Variants in CEP192 observed in about 807,000 individuals in gnomAD.
CEP192 encodes centrosomal protein of 192 kDa.
In CEP192, 151 loss-of-function variants were observed where a neutral mutation model predicts 271.8. That is an observed-to-expected ratio of 0.56 (90% confidence interval 0.49 to 0.64). CEP192 has a LOEUF of 0.64. Among genes scored for constraint, CEP192 ranks in the 30% least tolerant of loss-of-function variants. CEP192 has a pLI of 0.00. For synonymous variants in CEP192, 995 were observed against 1,076.5 expected (o/e 0.92, Z 1.48); for missense variants, 2,910 against 3,020.5 (o/e 0.96, Z 0.86).
In CEP192 at chr18:13,042,216, A is replaced by G; in HGVS notation, c.1949A>G (p.Glu650Gly). ...ATATTTCCTGCAGGAGATTTAAATG[A>G]ACAGTCCCAGGCACAGCTAAGTGAA... ...NHDLYSGDLN[E>G]QSQAQLSEGS... Residue 650 changes from glutamate (E) to glycine (G), a missense_variant, in exon 15 of 45, where the codon GAA becomes GGA. Glu to Gly is a moderately conservative substitution (Grantham distance 98). Coordinates refer to ENST00000506447, the MANE Select transcript of CEP192 (RefSeq NM_032142.4). 6.2e-7 allele frequency: 1 copy of G among 1,612,304 alleles called. No individual in the cohort carries two copies. Among genetic ancestry groups the G allele is most frequent in the Non-Finnish European group, 8.5e-7 (1 of 1,178,602 alleles).
intron 19 of CEP192, 91 bp downstream of exon 19, chr18:13,056,789 C>A: frequency 9.4e-7 from 1 of 1,059,498 alleles, no homozygotes. Flanking sequence ...TACTGGTTAG[C>A]ATTAATTCCT....
Position 13,069,804 on chromosome 18 carries a change from C to A in CEP192, c.5122C>A (p.His1708Asn). Residue 1708 changes from histidine (H) to asparagine (N), a missense_variant, in exon 27 of 45, where the codon CAT becomes AAT. His to Asn is a moderately conservative substitution (Grantham distance 68, BLOSUM62 1). Coordinates refer to ENST00000506447, the MANE Select transcript of CEP192 (RefSeq NM_032142.4). ...TCTACTCCTTAAACCTGGAGAAGAA[C>A]ATGAGGTTATTGTTTCATTTACTCC... Reference protein sequence around the residue: ...KNLLLKPGEEHEVIVSFTPKD... With the variant: ...KNLLLKPGEENEVIVSFTPKD... 6.2e-7 allele frequency: 1 copy of A among 1,606,240 alleles called. No homozygotes were observed. The highest frequency in any genetic ancestry group is 8.5e-7 in the Non-Finnish European group (1 of 1,173,138).
chr18:13,063,923 C>A (rs899094786), intron 21 of CEP192, among the ~76,000 whole-genome samples: 2 of 151,312 alleles, frequency 1.3e-5, no homozygotes, highest in African/African-American at 4.9e-5. Flanking sequence ...CGGGTTCAAG[C>A]TGTTCTCCTG....
chr18:13,064,560 C>A (rs982921969), intron 21 of CEP192, among the ~76,000 whole-genome samples: 2 of 147,296 alleles, frequency 1.4e-5, no homozygotes, highest in Admixed American at 1.4e-4. Flanking sequence ...TGCAGTGAGC[C>A]GAGATTGTGC....
At chr18:13,103,702 T>G (rs544699396) in intron 39 of CEP192, 114 bp downstream of exon 39, 1 of 901,814 alleles carries the variant, frequency 1.1e-6, no homozygotes, top group South Asian at 1.4e-5. Context: ...CTTGTTTGTT[T>G]TCTGAGACAA....
intron 42 of CEP192, 29 bp from the exon 43 acceptor site, chr18:13,116,348 C>G (rs753116526): frequency 3.7e-6 from 6 of 1,601,334 alleles, no homozygotes; most frequent in South Asian, 3.4e-5. Context: ...ATTTCAGATT[C>G]TTAACTTTTA....
intron 30 of CEP192, among the ~76,000 whole-genome samples, chr18:13,084,838 G>C (rs1006143821): frequency 6.6e-6 from 1 of 151,030 alleles, no homozygotes; most frequent in African/African-American, 2.4e-5. Context: ...TTTTGAGACA[G>C]AGTCTTCCTC....
At chr18:13,011,775 G>T (rs2034374889) in intron 4 of CEP192, among the ~76,000 whole-genome samples, 1 of 152,162 alleles carries the variant, frequency 6.6e-6, no homozygotes, top group Non-Finnish European at 1.5e-5. Flanking sequence ...CCATCCACCT[G>T]CCTCGGCCTC....
At chr18:13,052,763 T>C (rs1361350700) in intron 17 of CEP192, among the ~76,000 whole-genome samples, 156 bp from the exon 18 acceptor site, 1 of 152,224 alleles carries the variant, frequency 6.6e-6, no homozygotes, top group African/African-American at 2.4e-5. Context: ...CTTCATTCAA[T>C]GGGAATATTC....
intron 40 of CEP192, among the ~76,000 whole-genome samples, chr18:13,113,368 T>C (rs565231715): frequency 2.0e-5 from 3 of 152,346 alleles, no homozygotes; most frequent in South Asian, 2.1e-4. Context: ...TTAAGAAATA[T>C]GTTATATAAA....
chr18:13,103,204 C>G (rs566474104), intron 38 of CEP192, among the ~76,000 whole-genome samples: 2 of 152,288 alleles, frequency 1.3e-5, no homozygotes, highest in East Asian at 3.9e-4. Context: ...CTTCCTCGTC[C>G]CCTTCAATGC....
intron 9 of CEP192, among the ~76,000 whole-genome samples, chr18:13,022,567 G>A (rs1283299602): frequency 1.3e-5 from 2 of 151,870 alleles, no homozygotes; most frequent in East Asian, 3.9e-4. Flanking sequence ...TTTTAGTAGA[G>A]ATGAGGTTTC....
chr18:13,030,018 A>G lies in CEP192; in HGVS notation c.1390+16A>G, dbSNP rs1160038292. 6.6e-7 allele frequency: 1 copy of G among 1,503,948 alleles called. No individual in the cohort carries two copies. Among genetic ancestry groups the G allele is most frequent in the Non-Finnish European group, 9.0e-7 (1 of 1,112,610 alleles). 93.2% of individuals were successfully genotyped at this position (1,503,948 alleles called of 1,614,324 possible). A position where few individuals can be genotyped will look rare whatever the true frequency, so the allele number is the denominator to read the frequency against. ...AATAAAGACAGTAAGTGGACTTTTT[A>G]AAAAATAGAGTGAAAGAAATAGATG... On this transcript the variant is annotated intron_variant, in intron 10 of 44. Transcript: ENST00000506447.
At chr18:13,051,427 A>G (rs1473269542) in intron 17 of CEP192, among the ~76,000 whole-genome samples, 2 of 152,162 alleles carry the variant, frequency 1.3e-5, no homozygotes, top group Non-Finnish European at 2.9e-5. Flanking sequence ...ATGTAGGTTC[A>G]TGTCATGCGG....
At chr18:13,044,040 A>G (rs182958441) in intron 15 of CEP192, among the ~76,000 whole-genome samples, 12 of 152,264 alleles carry the variant, frequency 7.9e-5, no homozygotes, top group African/African-American at 2.9e-4. Flanking sequence ...TTGTAAATGT[A>G]CAATTAAATT....
intron 39 of CEP192, chr18:13,104,044 A>G (rs571283651): frequency 5.7e-6 from 2 of 350,690 alleles, no homozygotes; most frequent in South Asian, 4.2e-5. Context: ...TTAGATGAGG[A>G]TGATATATGC....
intron 10 of CEP192, 59 bp from the exon 11 acceptor site, chr18:13,030,406 G>T: frequency 4.3e-6 from 6 of 1,401,358 alleles, no homozygotes; most frequent in Non-Finnish European, 5.7e-6. Flanking sequence ...AATTGAGAAT[G>T]TTTTGTCATT....
At chr18:13,021,743 C>G (rs1379107048) in intron 9 of CEP192, among the ~76,000 whole-genome samples, 1 of 152,142 alleles carries the variant, frequency 6.6e-6, no homozygotes. Context: ...CATGAAGACA[C>G]AGGATGTGTG....
intron 42 of CEP192, among the ~76,000 whole-genome samples, chr18:13,116,100 C>A (rs2040417000): frequency 6.6e-6 from 1 of 152,148 alleles, no homozygotes; most frequent in African/African-American, 2.4e-5. Flanking sequence ...GCGAAATGAA[C>A]TGAGGTAAAG....
Sources: allele counts gnomAD v4.1 joint callset (sites outside exome capture counted in the v4.1 genomes callset), GRCh38; gene constraint gnomAD v4.1.1; transcripts MANE v1.5; gene names NCBI Gene and HGNC (gene_info 2026-07-23, HGNC 2026-07-21).